Variants in CSTPP1 observed in about 807,000 individuals in gnomAD.
The protein encoded by CSTPP1 is centriolar satellite-associated tubulin polyglutamylase complex regulator 1.
At chr11:47,001,768 G>T in the CSTPP1 span, among the ~76,000 whole-genome samples, 33 of 152,046 alleles carry the variant, frequency 2.2e-4, no homozygotes, top group Middle Eastern at 3.4e-3. Context: ...TCATTCTAAA[G>T]GTGACAGATT....
At chr11:47,098,854 G>C in the CSTPP1 span, among the ~76,000 whole-genome samples, 1 of 152,164 alleles carries the variant, frequency 6.6e-6, no homozygotes, top group Non-Finnish European at 1.5e-5. Flanking sequence ...TGATCCATCA[G>C]TAATATAGTA....
chr11:47,105,680 G>A, the CSTPP1 span, among the ~76,000 whole-genome samples: 1 of 152,102 alleles, frequency 6.6e-6, no homozygotes, highest in Non-Finnish European at 1.5e-5. Flanking sequence ...TGATGTCATG[G>A]GTCTAAGATC....
At chr11:47,028,414 A>G in the CSTPP1 span, among the ~76,000 whole-genome samples, 2 of 152,274 alleles carry the variant, frequency 1.3e-5, no homozygotes, top group East Asian at 3.9e-4. Context: ...GCATGTTGTA[A>G]TTTTGAACAA....
chr11:46,947,288 C>T, the CSTPP1 span, among the ~76,000 whole-genome samples: 2 of 152,316 alleles, frequency 1.3e-5, no homozygotes, highest in East Asian at 1.9e-4. Context: ...TCTGGGTCCT[C>T]TTTCTGTGTT....
At chr11:47,106,642 CAA>C in the CSTPP1 span, among the ~76,000 whole-genome samples, 9 of 133,636 alleles carry the variant, frequency 6.7e-5, no homozygotes, top group Admixed American at 7.6e-5. Context: ...GACCCTATCT[CAA>C]AAAAAAAAAA....
At chr11:46,937,476 A>G in the CSTPP1 span, among the ~76,000 whole-genome samples, 1 of 152,198 alleles carries the variant, frequency 6.6e-6, no homozygotes, top group Non-Finnish European at 1.5e-5. Flanking sequence ...TACTTTGTTG[A>G]GCATCTTTAG....
the CSTPP1 span, among the ~76,000 whole-genome samples, chr11:47,015,212 C>T: frequency 7.0e-3 from 1,061 of 152,132 alleles, 12 homozygotes; most frequent in African/African-American, 0.024. Context: ...CACGGTGGCT[C>T]ACGCCTATAA....
the CSTPP1 span, among the ~76,000 whole-genome samples, chr11:46,965,584 G>A: frequency 1.3e-5 from 2 of 152,074 alleles, no homozygotes; most frequent in Admixed American, 6.5e-5. Context: ...GACAATAGTA[G>A]CATTGTTTTA....
chr11:47,162,234 C>T, the CSTPP1 span: 2 of 985,472 alleles, frequency 2.0e-6, no homozygotes, highest in Non-Finnish European at 2.4e-6. Flanking sequence ...TAAAAAGTCC[C>T]TCATGTCTGG....
At chr11:47,065,270 G>A in the CSTPP1 span, among the ~76,000 whole-genome samples, 13 of 152,008 alleles carry the variant, frequency 8.6e-5, no homozygotes, top group Non-Finnish European at 1.8e-4. Flanking sequence ...TATGAACATA[G>A]GATGTGTTTC....
At chr11:47,077,196 G>GT in the CSTPP1 span, among the ~76,000 whole-genome samples, 153 of 135,528 alleles carry the variant, frequency 1.1e-3, no homozygotes, top group Middle Eastern at 3.7e-3. Flanking sequence ...GGATAAAGTT[G>GT]TTTTTTTTTT....
chr11:46,973,958 C>CTCACT, the CSTPP1 span, among the ~76,000 whole-genome samples: 2 of 152,152 alleles, frequency 1.3e-5, no homozygotes, highest in Non-Finnish European at 2.9e-5. Flanking sequence ...GTCATGGTGG[C>CTCACT]TCACACCTGT....
chr11:46,986,922 C>A, the CSTPP1 span, among the ~76,000 whole-genome samples: 1 of 152,228 alleles, frequency 6.6e-6, no homozygotes, highest in African/African-American at 2.4e-5. Flanking sequence ...ATCTCCTCTT[C>A]AACCCACCCT....
chr11:47,093,265 C>CTT, the CSTPP1 span, among the ~76,000 whole-genome samples: 2 of 152,268 alleles, frequency 1.3e-5, 1 homozygote, highest in South Asian at 4.1e-4. Flanking sequence ...ATAGCAGGCA[C>CTT]TTTAACAGCA....
the CSTPP1 span, chr11:47,157,257 A>AG: frequency 1.3e-6 from 2 of 1,525,038 alleles, no homozygotes; most frequent in South Asian, 1.3e-5. Context: ...CCCCAGCCCC[A>AG]GGGGGTCGGA....
chr11:46,941,512 G>A, the CSTPP1 span, among the ~76,000 whole-genome samples: 21 of 151,956 alleles, frequency 1.4e-4, no homozygotes, highest in African/African-American at 5.1e-4. Flanking sequence ...GCTAATTTTT[G>A]TATTTTTAGT....
the CSTPP1 span, among the ~76,000 whole-genome samples, chr11:47,035,276 A>C: frequency 6.6e-6 from 1 of 152,200 alleles, no homozygotes; most frequent in East Asian, 1.9e-4. Flanking sequence ...TAACGTCATG[A>C]ATTTTCTCTG....
chr11:47,041,461 C>A, the CSTPP1 span: 2 of 300,958 alleles, frequency 6.6e-6, no homozygotes, highest in South Asian at 5.3e-5. Context: ...CGTTGCATGT[C>A]TGTAAGATAA....
At chr11:47,009,664 G>C in the CSTPP1 span, among the ~76,000 whole-genome samples, 1 of 152,244 alleles carries the variant, frequency 6.6e-6, no homozygotes, top group Admixed American at 6.5e-5. Flanking sequence ...GGGTGTGGTG[G>C]CAGGCGCCTG....
Sources: allele counts gnomAD v4.1 joint callset (sites outside exome capture counted in the v4.1 genomes callset), GRCh38; gene constraint gnomAD v4.1.1; transcripts MANE v1.5; gene names NCBI Gene and HGNC (gene_info 2026-07-23, HGNC 2026-07-21).